The following CAMK2D variants were observed in gnomAD, a reference collection of about 807,000 sequenced individuals.
The protein encoded by CAMK2D is calcium/calmodulin dependent protein kinase II delta.
In CAMK2D, 37 loss-of-function variants were observed where a neutral mutation model predicts 84.0. The ratio of observed to expected loss-of-function variants is 0.44; its 90% CI spans 0.34 to 0.58. The LOEUF (loss-of-function observed/expected upper bound fraction) is 0.58. Among genes scored for constraint, CAMK2D ranks in the 20% least tolerant of loss-of-function variants. The pLI is 0.02. For missense variants in CAMK2D, 448 were observed against 652.5 expected (o/e 0.69, Z 3.41); for synonymous variants, 202 against 212.5 (o/e 0.95, Z 0.43).
chr4:113,633,618 C>A (rs1002173790), intron 3 of CAMK2D, among the ~76,000 whole-genome samples: 1 of 152,100 alleles, frequency 6.6e-6, no homozygotes, highest in Non-Finnish European at 1.5e-5. Context: ...ACTGTCATTT[C>A]CAATAGGATA....
chr4:113,598,730 G>C (rs191468135), intron 4 of CAMK2D, among the ~76,000 whole-genome samples: 4 of 152,242 alleles, frequency 2.6e-5, no homozygotes, highest in Non-Finnish European at 5.9e-5. Context: ...ACCCAGGCTG[G>C]AGTATAATGG....
At chr4:113,596,900 A>G (rs920164436) in intron 4 of CAMK2D, among the ~76,000 whole-genome samples, 1 of 151,574 alleles carries the variant, frequency 6.6e-6, no homozygotes, top group Non-Finnish European at 1.5e-5. Flanking sequence ...GCTCACTGCA[A>G]TCTCAGCCTC....
intron 3 of CAMK2D, among the ~76,000 whole-genome samples, chr4:113,646,913 T>C (rs2099154249): frequency 6.6e-6 from 1 of 152,160 alleles, no homozygotes; most frequent in Non-Finnish European, 1.5e-5. Flanking sequence ...CCTTCCCAAA[T>C]GAAAAACAAA....
chr4:113,561,964 G>C (rs1258374271), intron 4 of CAMK2D, among the ~76,000 whole-genome samples: 2 of 152,142 alleles, frequency 1.3e-5, no homozygotes, highest in Non-Finnish European at 2.9e-5. Context: ...ATGGTTTATT[G>C]TATGTGTGCC....
At chr4:113,467,035 T>C (rs1216171088) in intron 16 of CAMK2D, among the ~76,000 whole-genome samples, 2 of 152,218 alleles carry the variant, frequency 1.3e-5, no homozygotes, top group Non-Finnish European at 2.9e-5. Context: ...ATTTAATCAA[T>C]TGAGACTAAT....
At chr4:113,734,113 TA>T (rs1432634713) in intron 2 of CAMK2D, among the ~76,000 whole-genome samples, 11 of 152,258 alleles carry the variant, frequency 7.2e-5, no homozygotes, top group Non-Finnish European at 1.2e-4. Flanking sequence ...TTTTAAATAA[TA>T]GGGGTAGTTG....
At chr4:113,658,404 T>C (rs1386773756) in intron 3 of CAMK2D, among the ~76,000 whole-genome samples, 1 of 152,100 alleles carries the variant, frequency 6.6e-6, no homozygotes, top group Non-Finnish European at 1.5e-5. Flanking sequence ...GCCTACAATG[T>C]TTTTCGTTTG....
intron 12 of CAMK2D, among the ~76,000 whole-genome samples, chr4:113,510,894 T>G (rs1157365508): frequency 6.6e-6 from 1 of 152,128 alleles, no homozygotes; most frequent in Non-Finnish European, 1.5e-5. Context: ...TTAATTGAGA[T>G]TGTAAGAAAT....
At chr4:113,537,798 A>G (rs956438219) in intron 6 of CAMK2D, among the ~76,000 whole-genome samples, 1 of 152,190 alleles carries the variant, frequency 6.6e-6, no homozygotes, top group Non-Finnish European at 1.5e-5. Context: ...AGCCTAACAG[A>G]GCAGACATTT....
At chr4:113,510,301 TTTATACA>T (rs1254731771) in intron 12 of CAMK2D, among the ~76,000 whole-genome samples, 1 of 152,214 alleles carries the variant, frequency 6.6e-6, no homozygotes, top group Non-Finnish European at 1.5e-5. Context: ...TATGTATTCT[TTTATACA>T]TTAAAATCAG....
chr4:113,728,460 T>C (rs967282407), intron 2 of CAMK2D, among the ~76,000 whole-genome samples: 4 of 152,090 alleles, frequency 2.6e-5, no homozygotes, highest in East Asian at 1.9e-4. Flanking sequence ...TGGGAGGATG[T>C]TGGGGGAAAA....
At chr4:113,709,086 A>G (rs1320858222) in intron 2 of CAMK2D, among the ~76,000 whole-genome samples, 1 of 152,138 alleles carries the variant, frequency 6.6e-6, no homozygotes, top group African/African-American at 2.4e-5. Flanking sequence ...TTAAGGACAG[A>G]AAAATATTGA....
chr4:113,574,893 T>C (rs890939643), intron 4 of CAMK2D, among the ~76,000 whole-genome samples: 2 of 152,200 alleles, frequency 1.3e-5, no homozygotes, highest in African/African-American at 4.8e-5. Flanking sequence ...ACTGCTGAAT[T>C]TGAGAACTCC....
chr4:113,715,492 T>C (rs973277841), intron 2 of CAMK2D, among the ~76,000 whole-genome samples: 1 of 152,160 alleles, frequency 6.6e-6, no homozygotes, highest in Admixed American at 6.6e-5. Flanking sequence ...TTTTTAAACT[T>C]TGAATATAAA....
At chr4:113,707,814 A>G (rs1312824363) in intron 2 of CAMK2D, among the ~76,000 whole-genome samples, 1 of 152,154 alleles carries the variant, frequency 6.6e-6, no homozygotes, top group East Asian at 1.9e-4. Flanking sequence ...CTCTAGTGGC[A>G]TTGTCTGTAG....
rs140250907 is a variant in CAMK2D, at chr4:113,589,374, G to T, written c.275+19778C>A. Among the ~76,000 whole-genome samples, 3 of 152,112 alleles carry T rather than the reference G, an allele frequency of 2.0e-5. No individual in the cohort carries two copies. In the East Asian group the frequency reaches 5.8e-4, roughly 29 times the overall value. On this transcript the variant is annotated intron_variant, in intron 4 of 20. Transcript: ENST00000511664. ...TATATTCAAGTTCTGACAGATTCAA[G>T]TTCTGAATATATTAGATTCAAGAAG... is the stretch of plus-strand genomic sequence containing the variant.
intron 16 of CAMK2D, among the ~76,000 whole-genome samples, chr4:113,496,460 T>G (rs1258958268): frequency 6.6e-6 from 1 of 151,208 alleles, no homozygotes; most frequent in East Asian, 1.9e-4. Context: ...TTTTTTTTTT[T>G]TTTTTTAAAG....
chr4:113,481,753 C>A (rs889311579), intron 16 of CAMK2D, among the ~76,000 whole-genome samples: 1 of 152,172 alleles, frequency 6.6e-6, no homozygotes, highest in African/African-American at 2.4e-5. Flanking sequence ...GCTGGGATTA[C>A]AGGCATGAAC....
At chr4:113,513,481 G>A (rs561631393) in intron 11 of CAMK2D, 111 bp from the exon 12 acceptor site, 13 of 786,604 alleles carry the variant, frequency 1.7e-5, no homozygotes, top group South Asian at 1.5e-4. Flanking sequence ...TTCAGTTAGG[G>A]GATTTTTTAT....
Sources: allele counts gnomAD v4.1 joint callset (sites outside exome capture counted in the v4.1 genomes callset), GRCh38; gene constraint gnomAD v4.1.1; transcripts MANE v1.5; gene names NCBI Gene and HGNC (gene_info 2026-07-23, HGNC 2026-07-21).